The following CCDC57 variants were observed in gnomAD, a reference collection of about 807,000 sequenced individuals.
CCDC57 encodes coiled-coil domain-containing protein 57.
Under a neutral mutation model 118.9 loss-of-function variants are expected in CCDC57, and 118 were observed. That is an observed-to-expected ratio of 0.99 (90% CI 0.86 to 1.16). The LOEUF (loss-of-function observed/expected upper bound fraction) is 1.16, where lower values mean the gene tolerates loss of function less well. CCDC57 is among the 50% of genes most tolerant of loss of function. The probability of loss-of-function intolerance (pLI) is 0.00; values close to 1 mark genes in which losing one functional copy is unlikely to be tolerated. For synonymous variants in CCDC57, 527 were observed against 532.9 expected (o/e 0.99, Z 0.15); for missense variants, 1,300 against 1,320.7 (o/e 0.98, Z 0.24).
At chr17:82,168,140 A>G (rs1244172504) in intron 13 of CCDC57, among the ~76,000 whole-genome samples, 2 of 152,190 alleles carry the variant, frequency 1.3e-5, no homozygotes, top group Non-Finnish European at 2.9e-5. Context: ...TACTGAATGT[A>G]TAATTATGGG....
intron 8 of CCDC57, 99 bp from the exon 8 acceptor site, chr17:82,184,031 G>GCACA (rs71166198): frequency 0.011 from 1,482 of 131,516 alleles, 26 homozygotes; most frequent in African/African-American, 0.019. Flanking sequence ...GCGCGCGCGC[G>GCACA]CACACACACA....
At chr17:82,151,114 C>T (rs2041959593) in intron 16 of CCDC57, among the ~76,000 whole-genome samples, 1 of 137,640 alleles carries the variant, frequency 7.3e-6, no homozygotes, top group Admixed American at 7.4e-5. Flanking sequence ...CTGACCCACA[C>T]CCAGAACCAG....
At chr17:82,174,093 C>T (rs749837190) in intron 11 of CCDC57, among the ~76,000 whole-genome samples, 28 of 152,230 alleles carry the variant, frequency 1.8e-4, no homozygotes, top group Non-Finnish European at 3.5e-4. Context: ...AAGATGTGTG[C>T]AAAAGGCACA....
At chr17:82,134,167 G>A in exon 17 of CCDC57, 1 of 1,347,952 alleles carries the variant, frequency 7.4e-7, no homozygotes, top group South Asian at 2.0e-5. Flanking sequence ...CTCAGGGGCA[G>A]GAGGGAGGGC....
intron 15 of CCDC57, chr17:82,153,498 G>A (rs1222053014): frequency 6.6e-6 from 1 of 152,228 alleles, no homozygotes; most frequent in African/African-American, 2.4e-5. Flanking sequence ...TGACCCCACA[G>A]GCAAAGGAAG....
At chr17:82,121,516 A>G (rs2036677917) in intron 19 of CCDC57, among the ~76,000 whole-genome samples, 1 of 152,260 alleles carries the variant, frequency 6.6e-6, no homozygotes, top group Non-Finnish European at 1.5e-5. Context: ...AGGTCTGCTG[A>G]GGGCTCTGGG....
At chr17:82,133,770 A>G (rs1054025804) in intron 17 of CCDC57, among the ~76,000 whole-genome samples, 2 of 151,910 alleles carry the variant, frequency 1.3e-5, no homozygotes, top group Non-Finnish European at 2.9e-5. Flanking sequence ...CTGACTCAGG[A>G]GAATTGCTTG....
intron 19 of CCDC57, chr17:82,126,355 TA>T (rs1252475429): frequency 9.6e-6 from 9 of 936,372 alleles, no homozygotes; most frequent in South Asian, 4.9e-5. Flanking sequence ...AATATGAACA[TA>T]AAAAAACACC....
At chr17:82,104,074 G>A (rs536736435) in intron 19 of CCDC57, among the ~76,000 whole-genome samples, 2 of 152,224 alleles carry the variant, frequency 1.3e-5, no homozygotes, top group East Asian at 3.9e-4. Flanking sequence ...GGCTGCCCCA[G>A]GCGTGACTCC....
At chr17:82,182,366 T>C (rs1331583125) in intron 9 of CCDC57, among the ~76,000 whole-genome samples, 2 of 152,028 alleles carry the variant, frequency 1.3e-5, no homozygotes, top group Admixed American at 1.3e-4. Context: ...TCCTTTTTTT[T>C]TTTTTGAGAC....
intron 19 of CCDC57, among the ~76,000 whole-genome samples, chr17:82,114,881 C>T (rs892357003): frequency 6.6e-5 from 10 of 152,260 alleles, no homozygotes; most frequent in African/African-American, 2.4e-4. Context: ...ATAAAAAGAA[C>T]AGGATTTCCA....
chr17:82,125,537 A>G (rs1229423642), intron 19 of CCDC57, among the ~76,000 whole-genome samples: 2 of 151,982 alleles, frequency 1.3e-5, no homozygotes, highest in Non-Finnish European at 2.9e-5. Flanking sequence ...CACCAGGCCC[A>G]GTGAATTTTT....
intron 11 of CCDC57, among the ~76,000 whole-genome samples, chr17:82,177,695 G>T (rs1007563392): frequency 1.3e-5 from 2 of 152,190 alleles, no homozygotes; most frequent in African/African-American, 4.8e-5. Context: ...GAGAGAATGC[G>T]CACCAGTGGC....
At chr17:82,198,615 A>C (rs1163517450) in intron 3 of CCDC57, among the ~76,000 whole-genome samples, 193 bp from the exon 3 acceptor site, 3 of 152,030 alleles carry the variant, frequency 2.0e-5, no homozygotes, top group Admixed American at 2.0e-4. Flanking sequence ...TAAAAGAGGA[A>C]ATTAAATAGG....
At chr17:82,177,828 C>T (rs533408558) in intron 11 of CCDC57, among the ~76,000 whole-genome samples, 10 of 152,278 alleles carry the variant, frequency 6.6e-5, no homozygotes, top group South Asian at 2.1e-4. Flanking sequence ...TCCAGGCCTG[C>T]GCGTTCTACT....
exon 3 of CCDC57, chr17:82,201,862 C>A: frequency 6.2e-7 from 1 of 1,613,178 alleles, no homozygotes; most frequent in Non-Finnish European, 8.5e-7. Flanking sequence ...CAGCTGGGTG[C>A]GGTGTGCCTG....
At chr17:82,138,458 G>T (rs906968377) in intron 16 of CCDC57, among the ~76,000 whole-genome samples, 3 of 151,958 alleles carry the variant, frequency 2.0e-5, no homozygotes, top group African/African-American at 7.2e-5. Context: ...GAGACGGGAG[G>T]ATCTCTTGAG....
chr17:82,187,786 G>A (rs1373786320), intron 8 of CCDC57, among the ~76,000 whole-genome samples: 2 of 128,848 alleles, frequency 1.6e-5, no homozygotes, highest in Non-Finnish European at 3.3e-5. Flanking sequence ...GCAGGGAGTT[G>A]GCGGGGCTGG....
rs1030379944 is a variant in CCDC57, at chr17:82,107,639, G to T, written c.2900-5773C>A. 4 of 468,528 alleles carry T rather than the reference G, an allele frequency of 8.5e-6. No individual in the cohort carries two copies. The East Asian group carries it at 2.8e-4, about 33-fold the overall frequency. The allele number at this position is 468,528 out of a possible 1,614,324, so 29.0% of individuals were successfully genotyped here. A position where few individuals can be genotyped will look rare whatever the true frequency, so the allele number is the denominator to read the frequency against. On this transcript the variant is annotated intron_variant, in intron 19 of 19. Coordinates refer to ENST00000665763, the Ensembl canonical transcript of CCDC57. ...ATGGGGCCCTGTTGTGACAGGAGAA[G>T]GAGGGCAGCCTGGGTTGAAGAAACA...
Sources: allele counts gnomAD v4.1 joint callset (sites outside exome capture counted in the v4.1 genomes callset), GRCh38; gene constraint gnomAD v4.1.1; transcripts MANE v1.5; gene names NCBI Gene and HGNC (gene_info 2026-07-23, HGNC 2026-07-21).